Variants in WASF3 observed in about 807,000 individuals in gnomAD.
The protein encoded by WASF3 is WASP family member 3, also known as actin-binding protein WASF3.
In WASF3, 11 loss-of-function variants were observed where a neutral mutation model predicts 46.6. The observed-to-expected ratio is 0.24, with a 90% CI of 0.15 to 0.39. The LOEUF is 0.39. Among genes scored for constraint, WASF3 ranks in the 10% least tolerant of loss-of-function variants. The pLI, the probability that WASF3 is intolerant of heterozygous loss-of-function variation, is 1.00. For missense variants in WASF3, 576 were observed against 669.8 expected (o/e 0.86, Z 1.55); for synonymous variants, 242 against 259.7 (o/e 0.93, Z 0.65).
chr13:26,650,481 T>C (rs1882281667), intron 3 of WASF3, among the ~76,000 whole-genome samples: 1 of 152,120 alleles, frequency 6.6e-6, no homozygotes, highest in Non-Finnish European at 1.5e-5. Context: ...AAGATTCAGA[T>C]ATGGGAGGAG....
At chr13:26,540,990 G>A in the WASF3 span, among the ~76,000 whole-genome samples, 7 of 152,168 alleles carry the variant, frequency 4.6e-5, no homozygotes, top group South Asian at 2.1e-4. Flanking sequence ...TCAGTGATAC[G>A]TTAAGAGTGC....
the WASF3 span, among the ~76,000 whole-genome samples, chr13:26,542,392 G>GGAGCTGTGCA: frequency 1.3e-5 from 2 of 152,214 alleles, no homozygotes; most frequent in African/African-American, 2.4e-5. Flanking sequence ...TTTAATGCAA[G>GGAGCTGTGCA]GAGCTGTGCA....
chr13:26,592,411 A>G (rs1371026588), intron 1 of WASF3, among the ~76,000 whole-genome samples: 8 of 152,106 alleles, frequency 5.3e-5, no homozygotes, highest in Admixed American at 5.2e-4. Flanking sequence ...TAAACAACAG[A>G]GATTTATTTT....
chr13:26,653,837 G>A (rs529054492), intron 3 of WASF3, among the ~76,000 whole-genome samples: 3 of 152,148 alleles, frequency 2.0e-5, no homozygotes, highest in Admixed American at 6.5e-5. Context: ...CTGTCCACTC[G>A]GTGTCTTCAC....
chr13:26,582,289 C>G lies in WASF3; in HGVS notation c.-109+24470C>G, dbSNP rs536671034. Among the ~76,000 whole-genome samples, 6 of 152,216 alleles carry G rather than the reference C, an allele frequency of 3.9e-5. No individual in the cohort carries two copies. The South Asian group carries it at 1.0e-3, about 26-fold the overall frequency. ...CAGGAGCAGGGGCTTTGGGGCCAGACTGATTTGTGTTCAAATCTTGACTCT... is the reference window on the plus strand; with the variant it reads ...CAGGAGCAGGGGCTTTGGGGCCAGAGTGATTTGTGTTCAAATCTTGACTCT... On this transcript the variant is annotated intron_variant, in intron 1 of 9. Coordinates refer to ENST00000335327, the MANE Select transcript of WASF3 (RefSeq NM_006646.6).
At chr13:26,637,293 C>G (rs1881857140) in intron 2 of WASF3, among the ~76,000 whole-genome samples, 1 of 152,142 alleles carries the variant, frequency 6.6e-6, no homozygotes, top group Non-Finnish European at 1.5e-5. Context: ...GAGGGACTTG[C>G]AGGTAGGTTG....
intron 1 of WASF3, among the ~76,000 whole-genome samples, chr13:26,594,325 C>T (rs148623857): frequency 2.4e-4 from 36 of 152,302 alleles, no homozygotes; most frequent in African/African-American, 7.0e-4. Flanking sequence ...CTCAAGATCA[C>T]CATCTCCAAA....
chr13:26,591,341 A>G (rs1018337185), intron 1 of WASF3, among the ~76,000 whole-genome samples: 3 of 152,138 alleles, frequency 2.0e-5, no homozygotes, highest in African/African-American at 7.2e-5. Context: ...TTCTCAGGAA[A>G]ACAGTCTGTT....
In WASF3 at chr13:26,685,887, G is replaced by C. The variant is rs767381374; in HGVS notation, c.*42G>C. ...AGGCCGCGTGTGGGAGCGTGTTGAA[G>C]ATTTTAAGTGGTCTCTACACCCAAA... On this transcript the variant is annotated 3_prime_UTR_variant, in exon 10 of 10. Transcript: ENST00000335327. The C allele has an allele frequency of 1.0e-4, 166 of 1,597,200 alleles. No individual in the cohort carries two copies. Among genetic ancestry groups the C allele is most frequent in the Non-Finnish European group, 1.4e-4 (158 of 1,166,476 alleles).
chr13:26,599,434 A>G (rs1880581657), intron 1 of WASF3, among the ~76,000 whole-genome samples: 3 of 152,078 alleles, frequency 2.0e-5, no homozygotes, highest in African/African-American at 7.2e-5. Flanking sequence ...GCTGCTCTGC[A>G]TCTAGGGACT....
rs1469916998 is a variant in WASF3 at position 26,681,298 on chromosome 13, C to T, written c.961C>T (p.Pro321Ser). 3 of 1,606,510 alleles carry T rather than the reference C, an allele frequency of 1.9e-6. No homozygotes were observed. Among genetic ancestry groups the T allele is most frequent in the Non-Finnish European group, 2.5e-6 (3 of 1,176,796 alleles). ...CCCAGAGGGGTCCCAGGCCTCTGCA[C>T]CGATGGCTCCAGCAGACTACGGGTA... ...QAPEGSQASAPMAPADYGMLP... is the reference protein window; with the variant it reads ...QAPEGSQASASMAPADYGMLP... The change falls in exon 8 of 10, where the codon CCG becomes TCG. Residue 321 changes from proline to serine, a missense_variant. Pro to Ser is a moderately conservative substitution (Grantham distance 74). This residue lies in a region of WASF3 where 295 missense variants were observed against 291.5 expected (regional missense o/e 1.01). Coordinates refer to ENST00000335327, the MANE Select transcript of WASF3 (RefSeq NM_006646.6).
chr13:26,683,089 G>GAGTT, intron 9 of WASF3, 115 bp downstream of exon 9: 1 of 1,394,794 alleles, frequency 7.2e-7, no homozygotes, highest in Non-Finnish European at 9.6e-7. Flanking sequence ...TTTTAAAATA[G>GAGTT]AGTTAAAGGG....
intron 9 of WASF3, among the ~76,000 whole-genome samples, chr13:26,684,316 T>C (rs956252921): frequency 1.3e-5 from 2 of 151,184 alleles, no homozygotes; most frequent in African/African-American, 2.4e-5. Context: ...CTACCAAGAG[T>C]AGATACATAA....
At chr13:26,678,949 C>T (rs796841552) in intron 7 of WASF3, among the ~76,000 whole-genome samples, 64 of 152,208 alleles carry the variant, frequency 4.2e-4, no homozygotes, top group African/African-American at 1.3e-3. Flanking sequence ...CTGGCCCTCC[C>T]GGCCCTCCTC....
rs138080902 is a variant in WASF3 at position 26,682,932 on chromosome 13, A to G, written c.1309A>G (p.Ile437Val). The G allele has an allele frequency of 1.1e-3, 1,733 of 1,609,550 alleles. 16 individuals are homozygous for G. The African/African-American group carries it at 0.02, about 19-fold the overall frequency. Residue 437 changes from isoleucine to valine, a missense_variant, in exon 9 of 10, where the codon ATC (isoleucine) becomes GTC (valine). By Grantham distance (29) the Ile-to-Val change is conservative (BLOSUM62 3). This residue lies in a region of WASF3 where 68 missense variants were observed against 100.3 expected (regional missense o/e 0.68). Transcript: ENST00000335327. This position sits in a 1 kb window ranked among gnomAD's most constrained non-coding sequence, Gnocchi z 4.4. ...AKRQEPAQPP[I>V]SDARSDLLAA... Reference sequence around the variant, plus strand: ...GCGGCAAGAGCCTGCACAGCCACCAATCAGTGATGCTCGAAGCGACCTCCT... The same window carrying G: ...GCGGCAAGAGCCTGCACAGCCACCAGTCAGTGATGCTCGAAGCGACCTCCT...
intron 1 of WASF3, among the ~76,000 whole-genome samples, chr13:26,558,979 A>G (rs1219790829): frequency 6.6e-6 from 1 of 152,152 alleles, no homozygotes; most frequent in Non-Finnish European, 1.5e-5. Context: ...TAATCTTTCT[A>G]TTGTCTCTAG....
intron 2 of WASF3, among the ~76,000 whole-genome samples, chr13:26,623,075 T>C (rs982725926): frequency 6.6e-6 from 1 of 152,202 alleles, no homozygotes; most frequent in African/African-American, 2.4e-5. Flanking sequence ...GTAACCATCA[T>C]AGAAGTGCAT....
intron 2 of WASF3, among the ~76,000 whole-genome samples, chr13:26,615,524 G>T (rs922067134): frequency 4.6e-5 from 7 of 152,048 alleles, no homozygotes; most frequent in Admixed American, 1.3e-4. Flanking sequence ...GGCCAGGATG[G>T]TCTCGATCTC....
At chr13:26,552,399 T>A in the WASF3 span, among the ~76,000 whole-genome samples, 2 of 152,236 alleles carry the variant, frequency 1.3e-5, no homozygotes, top group Non-Finnish European at 2.9e-5. Flanking sequence ...GATAATTGGG[T>A]TAATATTAAA....
Sources: gnomAD v4.1 joint callset for allele counts (sites outside exome capture counted in the v4.1 genomes callset) on GRCh38, gnomAD v4.1.1 for gene constraint, gnomAD v4.1.1 regional missense constraint, Gnocchi (gnomAD v3.1) non-coding constraint, MANE v1.5 for transcripts, NCBI Gene and HGNC (gene_info 2026-07-23, HGNC 2026-07-21) for gene names.